Variants in SLC25A21 observed in about 807,000 individuals in gnomAD.
SLC25A21 encodes mitochondrial 2-oxodicarboxylate carrier.
In SLC25A21, 47 loss-of-function variants were observed where a neutral mutation model predicts 43.8. That is an observed-to-expected ratio of 1.07 (90% CI 0.85 to 1.37). SLC25A21 has a LOEUF of 1.37. SLC25A21 is among the 40% of genes most tolerant of loss of function. The probability of loss-of-function intolerance (pLI) is 0.00; values close to 1 mark genes in which losing one functional copy is unlikely to be tolerated. For missense variants in SLC25A21, 352 were observed against 350.2 expected (o/e 1.00, Z -0.04); for synonymous variants, 131 against 121.3 (o/e 1.08, Z -0.52).
intron 1 of SLC25A21, among the ~76,000 whole-genome samples, chr14:37,119,026 T>C (rs1393780466): frequency 2.0e-5 from 3 of 152,060 alleles, no homozygotes; most frequent in Admixed American, 6.6e-5. Context: ...AAAACCAAGA[T>C]GGTGATGGAA....
chr14:37,078,438 G>A (rs1299875013), intron 1 of SLC25A21, among the ~76,000 whole-genome samples: 1 of 152,052 alleles, frequency 6.6e-6, no homozygotes, highest in Non-Finnish European at 1.5e-5. Flanking sequence ...CCACCACATG[G>A]TGGACCTATT....
At chr14:37,013,333 A>G (rs771341784) in intron 1 of SLC25A21, among the ~76,000 whole-genome samples, 8 of 152,130 alleles carry the variant, frequency 5.3e-5, no homozygotes, top group Non-Finnish European at 8.8e-5. Flanking sequence ...TTATTAATAG[A>G]ACAGGATACA....
At chr14:37,005,892 G>A (rs1439434901) in intron 1 of SLC25A21, among the ~76,000 whole-genome samples, 4 of 152,242 alleles carry the variant, frequency 2.6e-5, no homozygotes, top group African/African-American at 7.2e-5. Context: ...AAAAAATAGA[G>A]CCCATTATCC....
intron 3 of SLC25A21, among the ~76,000 whole-genome samples, chr14:36,738,773 C>T (rs1885140844): frequency 6.6e-6 from 1 of 152,012 alleles, no homozygotes; most frequent in Admixed American, 6.6e-5. Context: ...TTTAACTGTC[C>T]TATGTAAAAA....
intron 1 of SLC25A21, among the ~76,000 whole-genome samples, chr14:36,990,804 C>T (rs1960246542): frequency 6.6e-6 from 1 of 151,920 alleles, no homozygotes; most frequent in Non-Finnish European, 1.5e-5. Flanking sequence ...TTGCTTGAGC[C>T]CGGGAGGTCG....
intron 1 of SLC25A21, among the ~76,000 whole-genome samples, chr14:37,087,160 T>G (rs2138845843): frequency 1.3e-5 from 2 of 152,308 alleles, no homozygotes; most frequent in South Asian, 4.1e-4. Flanking sequence ...GCTAGTTTCC[T>G]CCACAATAAA....
chr14:36,777,759 G>A (rs932017707), intron 3 of SLC25A21, among the ~76,000 whole-genome samples: 1 of 152,166 alleles, frequency 6.6e-6, no homozygotes, highest in East Asian at 1.9e-4. Context: ...AACTGTGAGA[G>A]AATGAACTTC....
chr14:37,107,824 G>T (rs1201747880), intron 1 of SLC25A21, among the ~76,000 whole-genome samples: 2 of 152,152 alleles, frequency 1.3e-5, no homozygotes, highest in African/African-American at 4.8e-5. Flanking sequence ...GAGTACAGGG[G>T]AAGTCTGAGA....
intron 1 of SLC25A21, among the ~76,000 whole-genome samples, chr14:36,997,173 G>A (rs547488333): frequency 1.4e-4 from 21 of 152,190 alleles, no homozygotes; most frequent in African/African-American, 4.8e-4. Context: ...AATATTGTGG[G>A]TACAAAAATT....
chr14:36,994,769 C>T (rs774182362), intron 1 of SLC25A21, among the ~76,000 whole-genome samples: 10 of 152,140 alleles, frequency 6.6e-5, no homozygotes, highest in African/African-American at 2.4e-4. Context: ...CACAGACTCA[C>T]GAACCTCCTG....
intron 3 of SLC25A21, among the ~76,000 whole-genome samples, chr14:36,794,009 C>A (rs1318293201): frequency 6.7e-6 from 1 of 148,428 alleles, no homozygotes; most frequent in South Asian, 2.1e-4. Flanking sequence ...GAAAAGAATA[C>A]AGACTTGGAA....
At chr14:36,753,947 GAGAGAGAGAGAGAA>G (rs1885818935) in intron 3 of SLC25A21, among the ~76,000 whole-genome samples, 1 of 145,934 alleles carries the variant, frequency 6.9e-6, no homozygotes, top group Admixed American at 6.8e-5. Flanking sequence ...GAGAGAGAGA[GAGAGAGAGAGAGAA>G]AGAGAGAGAA....
rs77690905 is a variant in SLC25A21, at chr14:37,008,292, C to A, written c.71-133288G>T. 1.7e-4 allele frequency among the ~76,000 whole-genome samples: 26 copies of A among 152,306 alleles called. 1 individual carries two copies. The East Asian group carries it at 4.8e-3, about 28-fold the overall frequency. On this transcript the variant is annotated intron_variant, in intron 1 of 9. Coordinates refer to ENST00000331299, the MANE Select transcript of SLC25A21 (RefSeq NM_030631.4). ...ACCGCATGTATTCTTTACTCCACAA[C>A]AAGCGTTCATTCTGATGAATTACAG...
intron 1 of SLC25A21, among the ~76,000 whole-genome samples, chr14:36,876,425 A>C (rs1890525988): frequency 6.6e-6 from 1 of 152,198 alleles, no homozygotes; most frequent in African/African-American, 2.4e-5. Flanking sequence ...AAGGCTTCCC[A>C]AGTCAAGCAC....
chr14:37,002,773 T>C (rs1203831444), intron 1 of SLC25A21, among the ~76,000 whole-genome samples: 2 of 152,244 alleles, frequency 1.3e-5, no homozygotes, highest in Non-Finnish European at 2.9e-5. Context: ...TGTATACTTA[T>C]TAGCGGGAAG....
intron 1 of SLC25A21, among the ~76,000 whole-genome samples, chr14:36,960,241 T>A (rs1363241930): frequency 6.6e-6 from 1 of 152,216 alleles, no homozygotes; most frequent in Non-Finnish European, 1.5e-5. Flanking sequence ...TTATACTTTT[T>A]TTCATTAGCT....
At chr14:36,863,009 G>A (rs1227086923) in intron 2 of SLC25A21, among the ~76,000 whole-genome samples, 1 of 152,126 alleles carries the variant, frequency 6.6e-6, no homozygotes, top group Non-Finnish European at 1.5e-5. Context: ...GAAAGCAGTT[G>A]GGGTAAAACC....
At chr14:37,062,105 A>G (rs1415682968) in intron 1 of SLC25A21, among the ~76,000 whole-genome samples, 6 of 152,244 alleles carry the variant, frequency 3.9e-5, no homozygotes. Flanking sequence ...TAAAACACTG[A>G]AAAGAACCTG....
chr14:36,817,165 A>C (rs1468306671), intron 2 of SLC25A21, among the ~76,000 whole-genome samples: 1 of 152,170 alleles, frequency 6.6e-6, no homozygotes, highest in Non-Finnish European at 1.5e-5. Flanking sequence ...CAGGTTTTAC[A>C]AAAACCCAGG....
Sources: gnomAD v4.1 joint callset for allele counts (sites outside exome capture counted in the v4.1 genomes callset) on GRCh38, gnomAD v4.1.1 for gene constraint, MANE v1.5 for transcripts, NCBI Gene and HGNC (gene_info 2026-07-23, HGNC 2026-07-21) for gene names.